The following DLGAP2 variants were observed in gnomAD, a reference collection of about 807,000 sequenced individuals.
DLGAP2 encodes the protein disks large-associated protein 2.
Under a neutral mutation model 100.3 loss-of-function variants are expected in DLGAP2, and 26 were observed. That is an observed-to-expected ratio of 0.26 (90% CI 0.19 to 0.36). DLGAP2 has a LOEUF of 0.36. DLGAP2 is among the 10% of genes least tolerant of loss of function. The pLI, the probability that DLGAP2 is intolerant of heterozygous loss-of-function variation, is 1.00. For synonymous variants in DLGAP2, 886 were observed against 630.1 expected (o/e 1.41, Z -6.08); for missense variants, 1,858 against 1,453.2 (o/e 1.28, Z -4.53).
chr8:966,973 C>T (rs1799887323), intron 2 of DLGAP2, among the ~76,000 whole-genome samples: 1 of 152,250 alleles, frequency 6.6e-6, no homozygotes, highest in Non-Finnish European at 1.5e-5. Flanking sequence ...GTGTCTCTTG[C>T]ATTTGAGTGG....
intron 3 of DLGAP2, among the ~76,000 whole-genome samples, chr8:1,475,629 G>C (rs1163821404): frequency 6.6e-6 from 1 of 152,128 alleles, no homozygotes; most frequent in Admixed American, 6.6e-5. Context: ...CATAATTCAG[G>C]AACATTGCTT....
At chr8:1,003,366 A>G (rs1434389158) in intron 2 of DLGAP2, 2 of 152,260 alleles carry the variant, frequency 1.3e-5, no homozygotes, top group African/African-American at 2.4e-5. Context: ...AAGTTCATGC[A>G]TCGCATCACC....
chr8:1,169,714 AT>A (rs1368595499), intron 2 of DLGAP2, among the ~76,000 whole-genome samples: 2 of 151,642 alleles, frequency 1.3e-5, no homozygotes, highest in Non-Finnish European at 2.9e-5. Context: ...AATGCTTGTG[AT>A]TTTTGTACAT....
chr8:1,600,398 C>T lies in DLGAP2; in HGVS notation c.1443-26342C>T, dbSNP rs568606884. Among the ~76,000 whole-genome samples the T allele has an allele frequency of 3.9e-5, 6 of 152,212 alleles. No homozygotes were observed. The South Asian group carries it at 1.2e-3, about 32-fold the overall frequency. On this transcript the variant is annotated intron_variant, in intron 6 of 14. Coordinates refer to ENST00000637795, the MANE Select transcript of DLGAP2 (RefSeq NM_001346810.2). ...TAACTTTGTGGTGTTCTCTGTATTT[C>T]CTGAATTTGATTGTTGGCCTTTCTT...
chr8:1,448,008 T>C (rs1046781191), intron 3 of DLGAP2, among the ~76,000 whole-genome samples: 5 of 152,226 alleles, frequency 3.3e-5, no homozygotes, highest in East Asian at 1.9e-4. Flanking sequence ...TAGCAGTCTA[T>C]CTATTTTGTT....
chr8:1,333,988 A>T (rs1473670729), intron 3 of DLGAP2, among the ~76,000 whole-genome samples: 1 of 152,254 alleles, frequency 6.6e-6, no homozygotes, highest in Admixed American at 6.5e-5. Flanking sequence ...GTGCTCCGCA[A>T]CTGAGGGCAC....
chr8:937,058 G>A (rs1216583439), intron 2 of DLGAP2, among the ~76,000 whole-genome samples: 1 of 152,194 alleles, frequency 6.6e-6, no homozygotes, highest in African/African-American at 2.4e-5. Flanking sequence ...GGCCTCCTGT[G>A]TGAAGGCCCC....
In DLGAP2 at chr8:1,627,674, T is replaced by C. The variant is rs186025796; in HGVS notation, c.1590+787T>C. On this transcript the variant is annotated intron_variant, in intron 7 of 14. Transcript: ENST00000637795. ...ACAAACATTTTCTCTTAGTGTGGAG[T>C]AGGGATTAAGAGCCTGAGCCGACCT... is the stretch of plus-strand genomic sequence containing the variant. 1.8e-4 allele frequency among the ~76,000 whole-genome samples: 28 copies of C among 152,124 alleles called. No individual in the cohort carries two copies. The South Asian group carries it at 2.5e-3, about 14-fold the overall frequency.
intron 6 of DLGAP2, among the ~76,000 whole-genome samples, chr8:1,625,000 T>C (rs1165222052): frequency 6.6e-6 from 1 of 152,190 alleles, no homozygotes; most frequent in Admixed American, 6.5e-5. Flanking sequence ...AAATCTATAA[T>C]GAATAAGCTT....
intron 3 of DLGAP2, among the ~76,000 whole-genome samples, chr8:1,360,431 G>A (rs79130292): frequency 0.018 from 2,802 of 151,972 alleles, 30 homozygotes; most frequent in Non-Finnish European, 0.026. Context: ...TGTCCTCCAG[G>A]TGCCCTGAGT....
At chr8:1,669,844 T>C in intron 10 of DLGAP2, 60 bp downstream of exon 10, 2 of 780,740 alleles carry the variant, frequency 2.6e-6, no homozygotes, top group East Asian at 2.4e-5. Flanking sequence ...CTCTCCCTTT[T>C]TTGGATGTTC....
At chr8:798,314 G>T (rs1312965071) in intron 1 of DLGAP2, among the ~76,000 whole-genome samples, 1 of 149,742 alleles carries the variant, frequency 6.7e-6, no homozygotes, top group African/African-American at 2.5e-5. Context: ...AGGGGTGCCT[G>T]CTTCCGTTGG....
At chr8:1,144,932 C>T (rs1796581358) in intron 2 of DLGAP2, among the ~76,000 whole-genome samples, 4 of 150,832 alleles carry the variant, frequency 2.7e-5, no homozygotes, top group East Asian at 3.9e-4. Flanking sequence ...ACAGTCAAAC[C>T]GCAGACGGCC....
At chr8:1,305,182 T>A (rs1341879463) in intron 3 of DLGAP2, among the ~76,000 whole-genome samples, 2 of 152,198 alleles carry the variant, frequency 1.3e-5, no homozygotes, top group African/African-American at 4.8e-5. Context: ...AGTGACTTCT[T>A]GACTCTTAGT....
chr8:1,044,354 C>G (rs1802457876), intron 2 of DLGAP2, among the ~76,000 whole-genome samples: 1 of 152,228 alleles, frequency 6.6e-6, no homozygotes. Flanking sequence ...GTTGCCTTGG[C>G]AAAGCCCTGT....
intron 4 of DLGAP2, among the ~76,000 whole-genome samples, chr8:1,523,897 T>C (rs73672786): frequency 0.062 from 9,361 of 152,200 alleles, 972 homozygotes; most frequent in African/African-American, 0.21. Flanking sequence ...ACTTGTGAAT[T>C]GAAAAGTTCA....
rs971761112 is a variant in DLGAP2 at position 1,703,700 on chromosome 8, A to G, written c.*2294A>G. 4 of 152,226 alleles carry G rather than the reference A, an allele frequency of 2.6e-5. No individual in the cohort carries two copies. Among genetic ancestry groups the G allele is most frequent in the African/African-American group, 7.2e-5 (3 of 41,460 alleles). The allele number at this position is 152,226 out of a possible 1,614,324, so 9.4% of individuals were successfully genotyped here. A position where few individuals can be genotyped will look rare whatever the true frequency, so the allele number is the denominator to read the frequency against. ...CAAACTGTTAAAGTAGTCAATAATTATTTGTCTCAGATCCCAGATTCTATG... is the reference window on the plus strand; with the variant it reads ...CAAACTGTTAAAGTAGTCAATAATTGTTTGTCTCAGATCCCAGATTCTATG... On this transcript the variant is annotated 3_prime_UTR_variant, in exon 15 of 15. Coordinates refer to ENST00000637795, the MANE Select transcript of DLGAP2 (RefSeq NM_001346810.2).
intron 6 of DLGAP2, among the ~76,000 whole-genome samples, chr8:1,608,854 G>A (rs936661664): frequency 6.6e-6 from 1 of 150,818 alleles, no homozygotes; most frequent in African/African-American, 2.4e-5. Flanking sequence ...AGAATAAAAA[G>A]AAATGAGCAA....
intron 1 of DLGAP2, among the ~76,000 whole-genome samples, chr8:787,952 G>T (rs558909963): frequency 1.4e-5 from 2 of 146,610 alleles, no homozygotes; most frequent in South Asian, 4.3e-4. Context: ...TCCAGGTCTG[G>T]CGTCCCTGTC....
Sources: allele counts gnomAD v4.1 joint callset (sites outside exome capture counted in the v4.1 genomes callset), GRCh38; gene constraint gnomAD v4.1.1; transcripts MANE v1.5; gene names NCBI Gene and HGNC (gene_info 2026-07-23, HGNC 2026-07-21).